Variants in ARHGAP39 observed in about 807,000 individuals in gnomAD.
ARHGAP39 encodes the protein Rho GTPase activating protein 39.
A neutral mutation model predicts 106.9 loss-of-function variants in ARHGAP39; 44 were observed. The ratio of observed to expected loss-of-function variants is 0.41; its 90% CI spans 0.32 to 0.53. The LOEUF is 0.53. Among genes scored for constraint, ARHGAP39 ranks in the 20% least tolerant of loss-of-function variants. The pLI is 0.21. For synonymous variants in ARHGAP39, 768 were observed against 693.2 expected (o/e 1.11, Z -1.69); for missense variants, 1,496 against 1,577.3 (o/e 0.95, Z 0.87).
chr8:144,653,148 T>C (rs1277776348), intron 1 of ARHGAP39, among the ~76,000 whole-genome samples: 6 of 151,960 alleles, frequency 3.9e-5, no homozygotes, highest in Middle Eastern at 3.4e-3. Flanking sequence ...AAATACAAAA[T>C]AGCTGGGCGT....
chr8:144,653,150 G>A (rs994409219), intron 1 of ARHGAP39, among the ~76,000 whole-genome samples: 3 of 152,044 alleles, frequency 2.0e-5, no homozygotes, highest in African/African-American at 4.8e-5. Flanking sequence ...ATACAAAATA[G>A]CTGGGCGTGG....
intron 4 of ARHGAP39, among the ~76,000 whole-genome samples, chr8:144,551,674 A>G (rs2130852023): frequency 6.8e-6 from 1 of 146,620 alleles, no homozygotes; most frequent in East Asian, 2.1e-4. Context: ...CTGAGCCTGC[A>G]TTCCCCCAAC....
intron 1 of ARHGAP39, among the ~76,000 whole-genome samples, chr8:144,664,582 G>A (rs1389248322): frequency 6.6e-6 from 1 of 152,214 alleles, no homozygotes; most frequent in Non-Finnish European, 1.5e-5. Flanking sequence ...TGTACTCCCA[G>A]AATTCCCACA....
At chr8:144,580,788 C>T in intron 3 of ARHGAP39, 58 bp downstream of exon 3, 1 of 1,326,818 alleles carries the variant, frequency 7.5e-7, no homozygotes, top group South Asian at 1.6e-5. Context: ...CCTGCCTCAC[C>T]TGGCCCCGCC....
intron 2 of ARHGAP39, among the ~76,000 whole-genome samples, chr8:144,587,503 G>A (rs113740652): frequency 6.6e-6 from 1 of 152,206 alleles, no homozygotes; most frequent in Non-Finnish European, 1.5e-5. Context: ...GGTTTAAGAA[G>A]AAACTAATGC....
In ARHGAP39 at chr8:144,547,763, C is replaced by A; in HGVS notation, c.1323G>T (p.Leu441=). The A allele has an allele frequency of 6.3e-7, 1 of 1,598,356 alleles. No homozygotes were observed. Among genetic ancestry groups the A allele is most frequent in the Non-Finnish European group, 8.5e-7 (1 of 1,177,402 alleles). Residue 441 remains leucine, a synonymous_variant, in exon 5 of 12, where the codon CTG becomes CTT. Transcript: ENST00000377307. This position sits in a 1 kb window ranked among gnomAD's most constrained non-coding sequence, Gnocchi z 5.2. The part of the protein sequence containing the change: ...PSPCLLRDQR[L]GVKSGDYSTM... ...TGCTGTAGTCTCCGGACTTGACGCC[C>A]AGGCGCTGGTCCCTCAGCAGGCAGG...
intron 8 of ARHGAP39, 32 bp from the exon 9 acceptor site, chr8:144,533,357 C>T (rs1383951886): frequency 6.3e-7 from 1 of 1,595,484 alleles, no homozygotes; most frequent in Non-Finnish European, 8.6e-7. Context: ...CCTGGTCTGG[C>T]CTGGCCATCC....
intron 4 of ARHGAP39, among the ~76,000 whole-genome samples, chr8:144,554,886 C>T (rs974286333): frequency 4.6e-5 from 7 of 152,236 alleles, no homozygotes; most frequent in African/African-American, 1.2e-4. Context: ...AGAGCCCCCT[C>T]GGGTCCTCCA....
rs1328345461 is a variant in ARHGAP39 at position 144,581,180 on chromosome 8, G to A, written c.178C>T (p.Arg60Cys). 6.4e-7 allele frequency: 1 copy of A among 1,565,550 alleles called. No individual in the cohort carries two copies. Among genetic ancestry groups the A allele is most frequent in the Non-Finnish European group, 8.7e-7 (1 of 1,155,772 alleles). The change falls in exon 3 of 12, where the codon CGC becomes TGC. Residue 60 changes from arginine (R) to cysteine (C), a missense_variant. This residue lies in a region of ARHGAP39 where 96 missense variants were observed against 107.9 expected (regional missense o/e 0.89). Transcript: ENST00000377307. ...ECVWDPPAGV[R>C]IKRTSENQWW... ...TGGTTCTCGCTGGTGCGCTTGATGC[G>A]GACGCCGGCCGGCGGGTCCCACACG...
chr8:144,550,995 T>C (rs1427368046), intron 4 of ARHGAP39, among the ~76,000 whole-genome samples: 3 of 152,200 alleles, frequency 2.0e-5, no homozygotes, highest in East Asian at 3.8e-4. Flanking sequence ...ACAACGTGCA[T>C]GTAGTAAGGC....
chr8:144,616,563 A>C (rs1386837466), intron 1 of ARHGAP39, among the ~76,000 whole-genome samples: 2 of 152,162 alleles, frequency 1.3e-5, no homozygotes, highest in African/African-American at 4.8e-5. Flanking sequence ...GCCAACCTCC[A>C]GGGTAAGAGA....
chr8:144,592,590 C>T (rs1459295487), intron 2 of ARHGAP39, among the ~76,000 whole-genome samples: 2 of 141,972 alleles, frequency 1.4e-5, no homozygotes, highest in African/African-American at 5.4e-5. Flanking sequence ...AGCACTGAGC[C>T]CAGACCCTCG....
chr8:144,610,884 T>C (rs929268749), intron 1 of ARHGAP39, among the ~76,000 whole-genome samples: 3 of 152,126 alleles, frequency 2.0e-5, no homozygotes, highest in African/African-American at 7.2e-5. Context: ...TGGTGGGATC[T>C]TGGCTTGCTG....
chr8:144,573,466 G>A (rs1200495973), intron 3 of ARHGAP39, among the ~76,000 whole-genome samples: 2 of 151,534 alleles, frequency 1.3e-5, no homozygotes, highest in Non-Finnish European at 2.9e-5. Flanking sequence ...GGGGGTGGGG[G>A]GCTGGGGGAG....
rs137906300 is a variant in ARHGAP39, at chr8:144,671,705, G to A, written c.-82+13981C>T. ...CCTACCTGAACTCCACGCCCCTCCC[G>A]GCCAGCCACCCTAGGGTTCTCCCTA... On this transcript the variant is annotated intron_variant, in intron 1 of 11. Coordinates refer to ENST00000377307, the MANE Select transcript of ARHGAP39 (RefSeq NM_025251.3). The surrounding 1 kb of genome is among the most constrained non-coding windows in gnomAD (Gnocchi z 4.5). Among the ~76,000 whole-genome samples the A allele has an allele frequency of 1.3e-3, 196 of 152,144 alleles. 1 individual carries two copies. Among genetic ancestry groups the A allele is most frequent in the African/African-American group, 4.5e-3 (185 of 41,514 alleles).
chr8:144,597,664 G>C (rs1819673129), intron 2 of ARHGAP39, among the ~76,000 whole-genome samples: 1 of 152,168 alleles, frequency 6.6e-6, no homozygotes, highest in Non-Finnish European at 1.5e-5. Context: ...GAAAAAGTCT[G>C]ATCAAATGGG....
intron 1 of ARHGAP39, among the ~76,000 whole-genome samples, chr8:144,615,099 C>G (rs1038617934): frequency 2.0e-5 from 3 of 152,194 alleles, no homozygotes; most frequent in Non-Finnish European, 2.9e-5. Flanking sequence ...GGTAGGAGGA[C>G]TGCTTGAGCT....
At chr8:144,596,824 C>T (rs570322796) in intron 2 of ARHGAP39, among the ~76,000 whole-genome samples, 5 of 152,226 alleles carry the variant, frequency 3.3e-5, no homozygotes, top group South Asian at 2.1e-4. Context: ...CATGATAGAT[C>T]GTCCTCCAGA....
In ARHGAP39 at chr8:144,647,092, C is replaced by G. The variant is rs1586635700; in HGVS notation, c.-82+38594G>C. On this transcript the variant is annotated intron_variant, in intron 1 of 11. Transcript: ENST00000377307. The surrounding 1 kb of genome is among the most constrained non-coding windows in gnomAD (Gnocchi z 4.8). ...CACACCATTCTCCTGCCTCAGCCTC[C>G]CGAGTAGCTGGGACTACAGCCACCC... 6.6e-6 allele frequency among the ~76,000 whole-genome samples: 1 copy of G among 152,092 alleles called. No individual in the cohort carries two copies. Among genetic ancestry groups the G allele is most frequent in the South Asian group, 2.1e-4 (1 of 4,812 alleles).
Sources: gnomAD v4.1 joint callset for allele counts (sites outside exome capture counted in the v4.1 genomes callset) on GRCh38, gnomAD v4.1.1 for gene constraint, gnomAD v4.1.1 regional missense constraint, Gnocchi (gnomAD v3.1) non-coding constraint, MANE v1.5 for transcripts, NCBI Gene and HGNC (gene_info 2026-07-23, HGNC 2026-07-21) for gene names.